DAB1: variants seen among roughly 807,000 people sequenced by gnomAD.
The protein encoded by DAB1 is disabled homolog 1.
A neutral mutation model predicts 64.6 loss-of-function variants in DAB1; 15 were observed. The observed-to-expected ratio is 0.23, with a 90% CI of 0.16 to 0.36. The LOEUF (loss-of-function observed/expected upper bound fraction) is 0.36. Among genes scored for constraint, DAB1 ranks in the 10% least tolerant of loss-of-function variants. The pLI, the probability that DAB1 is intolerant of heterozygous loss-of-function variation, is 1.00. For missense variants in DAB1, 596 were observed against 706.7 expected (o/e 0.84, Z 1.78); for synonymous variants, 235 against 251.9 (o/e 0.93, Z 0.64).
chr1:57,400,272 T>C (rs1683135540), intron 1 of DAB1, among the ~76,000 whole-genome samples: 1 of 152,122 alleles, frequency 6.6e-6, no homozygotes, highest in African/African-American at 2.4e-5. Flanking sequence ...ATTTTTAACC[T>C]CTGAGTTGGA....
chr1:57,449,808 G>A (rs780282465), intron 7 of DAB1, among the ~76,000 whole-genome samples: 2 of 152,116 alleles, frequency 1.3e-5, no homozygotes, highest in East Asian at 1.9e-4. Flanking sequence ...GTCATTTTGT[G>A]TCTATTATCT....
intron 4 of DAB1, among the ~76,000 whole-genome samples, chr1:58,176,795 C>T (rs537758337): frequency 1.2e-4 from 19 of 152,146 alleles, no homozygotes; most frequent in Admixed American, 4.6e-4. Flanking sequence ...CTCGCTAACA[C>T]GGTGAAACAC....
chr1:57,495,438 C>T (rs188595792), intron 7 of DAB1, among the ~76,000 whole-genome samples: 17 of 152,256 alleles, frequency 1.1e-4, no homozygotes, highest in Admixed American at 2.6e-4. Flanking sequence ...AGATGAATTA[C>T]GGTGTAATCT....
intron 6 of DAB1, among the ~76,000 whole-genome samples, chr1:57,752,000 C>T (rs931587333): frequency 6.6e-6 from 1 of 152,178 alleles, no homozygotes; most frequent in African/African-American, 2.4e-5. Flanking sequence ...GAAGAAGCTT[C>T]GCAATGAAGT....
intron 7 of DAB1, among the ~76,000 whole-genome samples, chr1:57,437,321 A>G (rs746643620): frequency 1.3e-5 from 2 of 152,304 alleles, no homozygotes; most frequent in Admixed American, 6.5e-5. Context: ...ATAGGGCTAC[A>G]TGATTGAATT....
intron 3 of DAB1, among the ~76,000 whole-genome samples, chr1:58,346,236 G>A (rs570243998): frequency 7.2e-5 from 11 of 152,298 alleles, no homozygotes; most frequent in Non-Finnish European, 8.8e-5. Flanking sequence ...GGCTAGAAGC[G>A]GAAATGAAGG....
intron 5 of DAB1, among the ~76,000 whole-genome samples, chr1:58,094,588 G>T (rs1482182355): frequency 6.6e-6 from 1 of 152,192 alleles, no homozygotes; most frequent in East Asian, 1.9e-4. Flanking sequence ...GTTAAACGTA[G>T]TATCCTCTTC....
intron 5 of DAB1, among the ~76,000 whole-genome samples, chr1:57,916,911 C>T (rs1247853060): frequency 6.6e-6 from 1 of 151,868 alleles, no homozygotes; most frequent in Admixed American, 6.6e-5. Context: ...CCACTGCACT[C>T]CAGCCTGGGT....
Position 57,198,078 on chromosome 1 carries a change from C to G in DAB1, c.68-52649G>C, listed in dbSNP as rs377453990. 7.2e-5 allele frequency among the ~76,000 whole-genome samples: 11 copies of G among 152,248 alleles called. No individual in the cohort carries two copies. In the East Asian group the frequency reaches 1.9e-3, roughly 27 times the overall value. ...AACTACAATATATGAAAATATGCTTCTTCCATAAACTCTGTCTGCCAAACC... is the reference window on the plus strand; with the variant it reads ...AACTACAATATATGAAAATATGCTTGTTCCATAAACTCTGTCTGCCAAACC... On this transcript the variant is annotated intron_variant, in intron 2 of 14. Transcript: ENST00000371236.
intron 5 of DAB1, among the ~76,000 whole-genome samples, chr1:58,109,245 C>T (rs544230543): frequency 4.9e-4 from 74 of 152,284 alleles, no homozygotes; most frequent in African/African-American, 1.8e-3. Flanking sequence ...AGGTCTAACA[C>T]ATGTTTTGTG....
Position 57,581,654 on chromosome 1 carries a change from T to A in DAB1, n.625+67938A>T, listed in dbSNP as rs371783363. Among the ~76,000 whole-genome samples the A allele has an allele frequency of 6.0e-5, 9 of 150,224 alleles. No individual in the cohort carries two copies. In the South Asian group the frequency reaches 1.5e-3, roughly 24 times the overall value. ...ACGAAATATTTATACACAACTATAATAATATGGTCCTATATACCACATTAT... is the reference window on the plus strand; with the variant it reads ...ACGAAATATTTATACACAACTATAAAAATATGGTCCTATATACCACATTAT... On this transcript the variant is annotated intron_variant and non_coding_transcript_variant, in intron 7 of 20. Coordinates refer to the DAB1 transcript ENST00000485760.
intron 4 of DAB1, chr1:58,228,818 G>T: frequency 1.4e-6 from 1 of 699,526 alleles, no homozygotes; most frequent in Non-Finnish European, 2.5e-6. Context: ...TCCAGTCCAG[G>T]TAGACATAAC....
chr1:57,032,799 C>T (rs563615739), intron 9 of DAB1, among the ~76,000 whole-genome samples: 1 of 152,296 alleles, frequency 6.6e-6, no homozygotes, highest in African/African-American at 2.4e-5. Flanking sequence ...TGGTAATATT[C>T]ATTGGCTTCT....
chr1:58,259,689 A>G (rs1047187168), intron 4 of DAB1, among the ~76,000 whole-genome samples: 1 of 152,180 alleles, frequency 6.6e-6, no homozygotes, highest in Non-Finnish European at 1.5e-5. Context: ...CAGGCTTCCT[A>G]AGAGGAAATT....
chr1:58,199,324 C>T (rs186681237), intron 4 of DAB1, among the ~76,000 whole-genome samples: 21 of 152,296 alleles, frequency 1.4e-4, no homozygotes, highest in African/African-American at 4.3e-4. Context: ...TTTCTTAAAA[C>T]TTCCAATAAG....
intron 6 of DAB1, among the ~76,000 whole-genome samples, chr1:57,684,502 A>T (rs1391701627): frequency 6.6e-6 from 1 of 152,196 alleles, no homozygotes; most frequent in African/African-American, 2.4e-5. Context: ...AATTCTAACC[A>T]ATAATTTCAT....
chr1:57,086,965 G>A (rs970291937), intron 4 of DAB1, among the ~76,000 whole-genome samples: 1 of 152,122 alleles, frequency 6.6e-6, no homozygotes, highest in Non-Finnish European at 1.5e-5. Context: ...GGTGTCCATC[G>A]ATGTCCCCAT....
chr1:57,341,574 A>C (rs1344480080), intron 1 of DAB1, among the ~76,000 whole-genome samples: 1 of 152,162 alleles, frequency 6.6e-6, no homozygotes. Context: ...ATTGGAGTGT[A>C]TGTGTGTGTA....
At chr1:58,499,128 G>C (rs1435312865) in intron 3 of DAB1, among the ~76,000 whole-genome samples, 1 of 151,710 alleles carries the variant, frequency 6.6e-6, no homozygotes, top group Non-Finnish European at 1.5e-5. Context: ...AAATAAGCCA[G>C]GTACAGAAAG....
Sources: allele counts gnomAD v4.1 joint callset (sites outside exome capture counted in the v4.1 genomes callset), GRCh38; gene constraint gnomAD v4.1.1; transcripts MANE v1.5; gene names NCBI Gene and HGNC (gene_info 2026-07-23, HGNC 2026-07-21).